The following MYO16 variants were observed in gnomAD, a reference collection of about 807,000 sequenced individuals.
MYO16 encodes the protein unconventional myosin-XVI.
In MYO16, 94 loss-of-function variants were observed where a neutral mutation model predicts 205.3. The observed-to-expected ratio is 0.46, with a 90% confidence interval of 0.39 to 0.54. The LOEUF (loss-of-function observed/expected upper bound fraction) is 0.54. Among genes scored for constraint, MYO16 ranks in the 20% least tolerant of loss-of-function variants. MYO16 has a pLI of 0.00. For synonymous variants in MYO16, 988 were observed against 954.0 expected (o/e 1.04, Z -0.66); for missense variants, 2,315 against 2,387.5 (o/e 0.97, Z 0.63).
intron 4 of MYO16, among the ~76,000 whole-genome samples, chr13:108,783,860 A>G (rs768816368): frequency 2.8e-4 from 43 of 152,160 alleles, no homozygotes; most frequent in Non-Finnish European, 5.9e-4. Context: ...GGCTTGTGAA[A>G]CTGTGAGTCC....
the MYO16 span, among the ~76,000 whole-genome samples, chr13:108,556,771 A>G: frequency 6.6e-6 from 1 of 151,958 alleles, no homozygotes. Flanking sequence ...CAGATCTTGA[A>G]TTGAATTATT....
rs781466208 is a variant in MYO16, at chr13:109,127,596, T to C, written c.4051+46T>C. 5.7e-6 allele frequency: 9 copies of C among 1,586,290 alleles called. No homozygotes were observed. On this transcript the variant is annotated intron_variant, in intron 31 of 34. Transcript: ENST00000457511. This position sits in a 1 kb window ranked among gnomAD's most constrained non-coding sequence, Gnocchi z 4.2. ...CAGCCTCGTGTTCCGGGCTCGCGCA[T>C]GCTCTGACTTCGCCTTGGGGCGCCC...
chr13:108,921,474 T>C (rs1881743739), intron 16 of MYO16, among the ~76,000 whole-genome samples: 1 of 152,222 alleles, frequency 6.6e-6, no homozygotes, highest in Non-Finnish European at 1.5e-5. Context: ...GAAGTTTCCT[T>C]TGTAGCTTGC....
At chr13:108,938,993 C>T (rs1882609725) in intron 16 of MYO16, among the ~76,000 whole-genome samples, 1 of 152,208 alleles carries the variant, frequency 6.6e-6, no homozygotes, top group Admixed American at 6.5e-5. Context: ...CCTCTTGCCC[C>T]AGGCCTGTGG....
intron 27 of MYO16, among the ~76,000 whole-genome samples, chr13:109,070,487 A>T (rs1887890834): frequency 6.6e-6 from 1 of 152,226 alleles, no homozygotes; most frequent in African/African-American, 2.4e-5. Flanking sequence ...ACATATCAAT[A>T]GACCTAAACA....
chr13:108,969,774 T>G (rs1168231502), intron 20 of MYO16, among the ~76,000 whole-genome samples: 1 of 152,208 alleles, frequency 6.6e-6, no homozygotes, highest in African/African-American at 2.4e-5. Flanking sequence ...CATCGAGAAC[T>G]GCGGATTGTT....
chr13:108,550,451 G>T, the MYO16 span, among the ~76,000 whole-genome samples: 2 of 152,322 alleles, frequency 1.3e-5, no homozygotes, highest in East Asian at 3.9e-4. Flanking sequence ...AGAGTCTTTT[G>T]TTCCTTAAAG....
intron 23 of MYO16, among the ~76,000 whole-genome samples, chr13:109,025,933 C>G (rs1488594387): frequency 6.6e-6 from 1 of 152,062 alleles, no homozygotes; most frequent in South Asian, 2.1e-4. Context: ...CCTATATGAG[C>G]CTTGTTTGTT....
intron 16 of MYO16, among the ~76,000 whole-genome samples, chr13:108,918,423 A>G (rs200269720): frequency 2.6e-5 from 4 of 152,148 alleles, no homozygotes; most frequent in Non-Finnish European, 5.9e-5. Flanking sequence ...AATTCTTCTA[A>G]TAACTCTATG....
intron 32 of MYO16, among the ~76,000 whole-genome samples, chr13:109,160,001 G>C (rs976507779): frequency 6.6e-6 from 1 of 152,196 alleles, no homozygotes. Flanking sequence ...TTAAAGCGAG[G>C]TTTCTCGGCC....
intron 29 of MYO16, among the ~76,000 whole-genome samples, chr13:109,122,011 TC>T (rs748571805): frequency 3.3e-5 from 5 of 152,270 alleles, no homozygotes; most frequent in Non-Finnish European, 7.4e-5. Context: ...CCCTTGCAAG[TC>T]CTATTTGCAT....
chr13:108,790,970 A>G (rs1304023772), intron 5 of MYO16, among the ~76,000 whole-genome samples: 1 of 152,244 alleles, frequency 6.6e-6, no homozygotes, highest in Non-Finnish European at 1.5e-5. Flanking sequence ...AGACGTTGTA[A>G]CATCCTAAAA....
intron 22 of MYO16, among the ~76,000 whole-genome samples, chr13:109,019,479 G>GT (rs1366793059): frequency 6.6e-6 from 1 of 151,948 alleles, no homozygotes; most frequent in Non-Finnish European, 1.5e-5. Flanking sequence ...ATTACAATAC[G>GT]TTTTTTACTT....
At chr13:108,889,452 G>C (rs542726090) in intron 14 of MYO16, among the ~76,000 whole-genome samples, 1 of 152,188 alleles carries the variant, frequency 6.6e-6, no homozygotes, top group East Asian at 1.9e-4. Context: ...TTTATACATA[G>C]TTCTAGCAAG....
chr13:109,079,386 G>C (rs1200507665), intron 27 of MYO16, among the ~76,000 whole-genome samples: 1 of 84,888 alleles, frequency 1.2e-5, no homozygotes, highest in Non-Finnish European at 2.6e-5. Flanking sequence ...CTACTGTATG[G>C]GTTTTTTTTT....
At chr13:108,945,787 G>GA (rs1416141041) in intron 16 of MYO16, among the ~76,000 whole-genome samples, 9 of 151,804 alleles carry the variant, frequency 5.9e-5, no homozygotes, top group Admixed American at 1.3e-4. Flanking sequence ...TTTTGTGGTT[G>GA]AAAAAAAATC....
At chr13:108,501,255 A>G in the MYO16 span, among the ~76,000 whole-genome samples, 56,211 of 152,060 alleles carry the variant, frequency 0.37, 11,764 homozygotes, top group Non-Finnish European at 0.47. Context: ...ATATGAGCAC[A>G]GCAGAAGATA....
intron 2 of MYO16, among the ~76,000 whole-genome samples, chr13:108,698,927 C>T (rs1883191117): frequency 6.6e-6 from 1 of 152,030 alleles, no homozygotes; most frequent in Admixed American, 6.6e-5. Context: ...AACTGAGGCC[C>T]ACCCAAAAAC....
chr13:108,774,233 G>A (rs1334686234), intron 4 of MYO16, among the ~76,000 whole-genome samples: 3 of 152,120 alleles, frequency 2.0e-5, no homozygotes, highest in African/African-American at 7.2e-5. Context: ...TAAATTCTTG[G>A]GGAAATATAC....
Sources: allele counts gnomAD v4.1 joint callset (sites outside exome capture counted in the v4.1 genomes callset), GRCh38; gene constraint gnomAD v4.1.1; non-coding constraint Gnocchi (gnomAD v3.1); transcripts MANE v1.5; gene names NCBI Gene and HGNC (gene_info 2026-07-23, HGNC 2026-07-21).